The following NRXN3 variants were observed in gnomAD, a reference collection of about 807,000 sequenced individuals.
The protein encoded by NRXN3 is neurexin III.
In NRXN3, 32 loss-of-function variants were observed where a neutral mutation model predicts 137.6. The ratio of observed to expected loss-of-function variants is 0.23; its 90% CI spans 0.18 to 0.31. The LOEUF is 0.31. NRXN3 is among the 10% of genes least tolerant of loss of function. The pLI, the probability that NRXN3 is intolerant of heterozygous loss-of-function variation, is 1.00. For synonymous variants in NRXN3, 798 were observed against 784.5 expected (o/e 1.02, Z -0.29); for missense variants, 1,574 against 2,062.5 (o/e 0.76, Z 4.59).
chr14:79,724,446 C>G (rs1388851265), intron 19 of NRXN3, among the ~76,000 whole-genome samples: 2 of 152,088 alleles, frequency 1.3e-5, no homozygotes, highest in Admixed American at 6.6e-5. Context: ...TCTCCCTGCC[C>G]CACATACAAA....
chr14:78,912,124 T>G (rs935733946), intron 10 of NRXN3, among the ~76,000 whole-genome samples: 27 of 151,438 alleles, frequency 1.8e-4, no homozygotes, highest in African/African-American at 6.5e-4. Context: ...CCTGTGTCCA[T>G]GTGTTCTCAT....
At chr14:79,373,816 A>G (rs2094182320) in intron 15 of NRXN3, among the ~76,000 whole-genome samples, 1 of 150,832 alleles carries the variant, frequency 6.6e-6, no homozygotes. Flanking sequence ...TAAAAGTAAT[A>G]AATACATAAA....
intron 15 of NRXN3, among the ~76,000 whole-genome samples, chr14:79,291,201 G>T (rs1261722363): frequency 6.6e-6 from 1 of 152,124 alleles, no homozygotes; most frequent in Admixed American, 6.5e-5. Flanking sequence ...AACACAAGAT[G>T]ATAGGAAACC....
intron 15 of NRXN3, among the ~76,000 whole-genome samples, chr14:79,452,381 G>A (rs1375517947): frequency 6.6e-6 from 1 of 152,138 alleles, no homozygotes; most frequent in Non-Finnish European, 1.5e-5. Flanking sequence ...TTCAAGCTTG[G>A]ATGGAAGTGA....
chr14:79,623,572 A>T (rs1285269849), intron 16 of NRXN3, among the ~76,000 whole-genome samples: 1 of 152,230 alleles, frequency 6.6e-6, no homozygotes, highest in African/African-American at 2.4e-5. Context: ...AAATTCTGCT[A>T]CTAAGCTATC....
chr14:79,060,491 G>A (rs1307126837), intron 15 of NRXN3, among the ~76,000 whole-genome samples: 1 of 152,102 alleles, frequency 6.6e-6, no homozygotes, highest in Admixed American at 6.5e-5. Flanking sequence ...TCCTATGATG[G>A]ATGACTGGTA....
At chr14:79,604,739 A>G (rs141378609) in intron 16 of NRXN3, among the ~76,000 whole-genome samples, 139 of 152,234 alleles carry the variant, frequency 9.1e-4, no homozygotes, top group African/African-American at 3.1e-3. Context: ...TTCTTTAAAA[A>G]CATCATTCAG....
At chr14:78,377,665 G>T (rs1041992570) in intron 4 of NRXN3, among the ~76,000 whole-genome samples, 1 of 152,196 alleles carries the variant, frequency 6.6e-6, no homozygotes, top group South Asian at 2.1e-4. Flanking sequence ...TTATTCTGCT[G>T]AGGCCTCTCT....
intron 16 of NRXN3, among the ~76,000 whole-genome samples, chr14:79,564,945 CAG>C (rs1046656352): frequency 1.1e-4 from 16 of 151,878 alleles, no homozygotes; most frequent in Admixed American, 7.9e-4. Flanking sequence ...ATGGAGAAAA[CAG>C]GGAGGGAGAA....
chr14:78,330,625 G>A (rs1177344264), intron 4 of NRXN3, among the ~76,000 whole-genome samples: 1 of 152,010 alleles, frequency 6.6e-6, no homozygotes, highest in Admixed American at 6.6e-5. Context: ...TTGAAATAAG[G>A]TATGCCATAG....
intron 15 of NRXN3, among the ~76,000 whole-genome samples, chr14:79,415,217 G>C (rs772999405): frequency 6.6e-6 from 1 of 152,026 alleles, no homozygotes; most frequent in African/African-American, 2.4e-5. Context: ...TCTATTCAAG[G>C]TACTGATTTC....
rs185021014 is a variant in NRXN3 at position 78,431,801 on chromosome 14, G to T, written c.757+133941G>T. Among the ~76,000 whole-genome samples the T allele has an allele frequency of 9.9e-4, 151 of 152,150 alleles. 2 individuals carry two copies. Among genetic ancestry groups the T allele is most frequent in the Admixed American group, 5.9e-4 (9 of 15,274 alleles). ...TAACTCTCATTGCATGCTTTCTATA[G>T]GCAGTTACTGAACTACAGCCATTAC... On this transcript the variant is annotated intron_variant, in intron 4 of 20. Coordinates refer to ENST00000335750, the MANE Select transcript of NRXN3 (RefSeq NM_001330195.2).
At chr14:78,791,872 G>GA (rs370217244) in intron 8 of NRXN3, among the ~76,000 whole-genome samples, 58 of 151,966 alleles carry the variant, frequency 3.8e-4, no homozygotes, top group African/African-American at 1.3e-3. Context: ...TGAAGCTACA[G>GA]AAAAAAAGTG....
At chr14:78,176,683 A>G (rs1253929041) in intron 1 of NRXN3, among the ~76,000 whole-genome samples, 8 of 152,190 alleles carry the variant, frequency 5.3e-5, no homozygotes, top group African/African-American at 1.9e-4. Flanking sequence ...CGTTTGATGC[A>G]GAGACAAAAC....
chr14:78,957,771 C>A (rs942255908), intron 11 of NRXN3, among the ~76,000 whole-genome samples: 11 of 152,160 alleles, frequency 7.2e-5, no homozygotes, highest in African/African-American at 2.2e-4. Context: ...AAATTCAGAA[C>A]ATTACAGGTA....
intron 1 of NRXN3, among the ~76,000 whole-genome samples, chr14:78,231,077 C>T (rs2065329038): frequency 6.6e-6 from 1 of 152,138 alleles, no homozygotes; most frequent in African/African-American, 2.4e-5. Context: ...AAACCTGGAA[C>T]ATCCTGTCAA....
At chr14:79,367,537 C>T (rs1240003317) in intron 15 of NRXN3, among the ~76,000 whole-genome samples, 1 of 152,042 alleles carries the variant, frequency 6.6e-6, no homozygotes, top group Non-Finnish European at 1.5e-5. Flanking sequence ...GGCTTCAGGG[C>T]CCTGTTCTGT....
At chr14:78,765,815 T>G (rs986201334) in intron 8 of NRXN3, among the ~76,000 whole-genome samples, 1 of 152,334 alleles carries the variant, frequency 6.6e-6, no homozygotes, top group South Asian at 2.1e-4. Flanking sequence ...TTTCTTTGGC[T>G]AAGGCCACCT....
At chr14:79,474,982 C>T (rs1476495333) in intron 16 of NRXN3, among the ~76,000 whole-genome samples, 1 of 152,070 alleles carries the variant, frequency 6.6e-6, no homozygotes, top group African/African-American at 2.4e-5. Flanking sequence ...GTTTTAGACT[C>T]TCCTTGGGTA....
Sources: allele counts gnomAD v4.1 joint callset (sites outside exome capture counted in the v4.1 genomes callset), GRCh38; gene constraint gnomAD v4.1.1; transcripts MANE v1.5; gene names NCBI Gene and HGNC (gene_info 2026-07-23, HGNC 2026-07-21).